The following SRGAP1 variants were observed in gnomAD, a reference collection of about 807,000 sequenced individuals.
The protein encoded by SRGAP1 is SLIT-ROBO Rho GTPase activating protein 1.
In SRGAP1, 43 loss-of-function variants were observed where a neutral mutation model predicts 121.9. The ratio of observed to expected loss-of-function variants is 0.35; its 90% CI spans 0.28 to 0.46. The LOEUF (loss-of-function observed/expected upper bound fraction) is 0.46. SRGAP1 is among the 20% of genes least tolerant of loss of function. SRGAP1 has a pLI of 1.00. For missense variants in SRGAP1, 1,102 were observed against 1,350.9 expected (o/e 0.82, Z 2.89); for synonymous variants, 447 against 485.4 (o/e 0.92, Z 1.04).
chr12:63,873,481 C>T (rs1392542154), intron 1 of SRGAP1, among the ~76,000 whole-genome samples: 1 of 145,176 alleles, frequency 6.9e-6, no homozygotes, highest in African/African-American at 2.6e-5. Flanking sequence ...TGCAGTGAGC[C>T]GAGATTGAGC....
chr12:64,035,164 A>G (rs1296682597), intron 4 of SRGAP1, among the ~76,000 whole-genome samples: 5 of 152,116 alleles, frequency 3.3e-5, no homozygotes, highest in Non-Finnish European at 5.9e-5. Flanking sequence ...GGTGTATGTT[A>G]AGGGCTGGCT....
At chr12:63,907,324 G>T (rs747930715) in intron 1 of SRGAP1, among the ~76,000 whole-genome samples, 17 of 152,052 alleles carry the variant, frequency 1.1e-4, no homozygotes, top group Non-Finnish European at 1.9e-4. Flanking sequence ...ATCACCTGAG[G>T]TCAGGAGTTC....
intron 4 of SRGAP1, among the ~76,000 whole-genome samples, chr12:64,042,202 T>C (rs1209666051): frequency 6.6e-6 from 1 of 152,042 alleles, no homozygotes; most frequent in East Asian, 1.9e-4. Context: ...CGGCCTATTT[T>C]TTTGTTTTGT....
At chr12:63,908,329 T>A (rs1053275581) in intron 1 of SRGAP1, among the ~76,000 whole-genome samples, 1 of 152,246 alleles carries the variant, frequency 6.6e-6, no homozygotes, top group Non-Finnish European at 1.5e-5. Flanking sequence ...TGTTAAGTTG[T>A]CTAATCTATG....
intron 8 of SRGAP1, among the ~76,000 whole-genome samples, chr12:64,072,968 T>TG (rs1160733027): frequency 6.6e-6 from 1 of 152,244 alleles, no homozygotes; most frequent in Non-Finnish European, 1.5e-5. Context: ...TGCATTCTTC[T>TG]GGTTTCTCAC....
rs1565705167 is a variant in SRGAP1 at position 64,152,924 on chromosome 12, A to AC, written c.*10252_*10253insC. 6.6e-6 allele frequency: 1 copy of AC among 151,350 alleles called. No individual in the cohort carries two copies. 9.4% of individuals were successfully genotyped at this position (151,350 alleles called of 1,614,324 possible). A position where few individuals can be genotyped will look rare whatever the true frequency, so the allele number is the denominator to read the frequency against. The stretch of plus-strand genomic sequence containing the variant: ...CCTGGTATGATTTAAAAAAAAAAAA[A>AC]AAAAAAAAAAAACCACTACATAAGC... On this transcript the variant is annotated 3_prime_UTR_variant, in exon 22 of 22. Coordinates refer to ENST00000355086, the MANE Select transcript of SRGAP1 (RefSeq NM_020762.4).
chr12:64,120,300 T>C (rs1024774538), intron 18 of SRGAP1: 7 of 152,192 alleles, frequency 4.6e-5, no homozygotes, highest in Non-Finnish European at 1.0e-4. Context: ...TTAGGCTCAG[T>C]GGAAGGTAGA....
At chr12:64,124,495 G>A (rs1592344192) in intron 18 of SRGAP1, among the ~76,000 whole-genome samples, 2 of 152,344 alleles carry the variant, frequency 1.3e-5, no homozygotes, top group East Asian at 1.9e-4. Context: ...GCATATTCCT[G>A]TAAGTATATG....
chr12:63,885,919 G>A (rs1378809862), intron 1 of SRGAP1, among the ~76,000 whole-genome samples: 2 of 152,092 alleles, frequency 1.3e-5, no homozygotes, highest in African/African-American at 4.8e-5. Flanking sequence ...TAGAATCATC[G>A]GTGGGAAGAA....
intron 15 of SRGAP1, among the ~76,000 whole-genome samples, chr12:64,099,904 A>G (rs971643089): frequency 2.0e-5 from 3 of 152,186 alleles, no homozygotes; most frequent in African/African-American, 7.2e-5. Flanking sequence ...ATATCATTTC[A>G]TAGTGGTTTT....
chr12:63,911,468 G>T (rs1342588828), intron 1 of SRGAP1, among the ~76,000 whole-genome samples: 1 of 152,092 alleles, frequency 6.6e-6, no homozygotes, highest in Admixed American at 6.5e-5. Flanking sequence ...TAGTTGTGGT[G>T]GTGTTTTGTC....
At position 64,147,787 on chromosome 12, in the gene SRGAP1, G is replaced by A; in HGVS notation, c.*5115G>A. 2.5e-6 allele frequency: 1 copy of A among 397,658 alleles called. No individual in the cohort carries two copies. Among genetic ancestry groups the A allele is most frequent in the Non-Finnish European group, 4.4e-6 (1 of 225,950 alleles). The allele number at this position is 397,658 out of a possible 1,614,324, so 24.6% of individuals were successfully genotyped here. A position where few individuals can be genotyped will look rare whatever the true frequency, so the allele number is the denominator to read the frequency against. On this transcript the variant is annotated 3_prime_UTR_variant, in exon 22 of 22. Coordinates refer to ENST00000355086, the MANE Select transcript of SRGAP1 (RefSeq NM_020762.4). ...ATTACAGGCTTCAGTATACAGTCAGGTTTGTTCTTCACGGTGTATCTTTAT... is the reference window on the plus strand; with the variant it reads ...ATTACAGGCTTCAGTATACAGTCAGATTTGTTCTTCACGGTGTATCTTTAT...
At chr12:64,094,888 A>G (rs752043740) in intron 12 of SRGAP1, 44 bp from the exon 13 acceptor site, 2 of 1,565,832 alleles carry the variant, frequency 1.3e-6, no homozygotes, top group Non-Finnish European at 1.8e-6. Flanking sequence ...TGAGGCATTT[A>G]TACCTCTCCC....
chr12:64,108,137 T>C (rs1292478310), intron 15 of SRGAP1, among the ~76,000 whole-genome samples: 1 of 152,216 alleles, frequency 6.6e-6, no homozygotes, highest in African/African-American at 2.4e-5. Context: ...AATGTGTTTT[T>C]AAATATATAG....
intron 1 of SRGAP1, among the ~76,000 whole-genome samples, chr12:63,960,846 T>A (rs1351977322): frequency 2.0e-5 from 3 of 152,114 alleles, no homozygotes; most frequent in African/African-American, 7.2e-5. Flanking sequence ...GTCAGCAGGC[T>A]CTAGAAGCTG....
At chr12:64,068,584 C>T (rs1164278694) in intron 8 of SRGAP1, among the ~76,000 whole-genome samples, 1 of 151,942 alleles carries the variant, frequency 6.6e-6, no homozygotes, top group Admixed American at 6.5e-5. Flanking sequence ...ATCCGCCTGC[C>T]TTGGCCTCCC....
At chr12:63,939,499 A>G (rs1367662198) in intron 1 of SRGAP1, among the ~76,000 whole-genome samples, 1 of 152,206 alleles carries the variant, frequency 6.6e-6, no homozygotes, top group Non-Finnish European at 1.5e-5. Flanking sequence ...ACCCGAAAGA[A>G]AGGAGGAGAA....
Position 64,147,629 on chromosome 12 carries a change from C to T in SRGAP1, c.*4957C>T, listed in dbSNP as rs1350854716. The T allele has an allele frequency of 2.5e-6, 1 of 398,596 alleles. No individual in the cohort carries two copies. Among genetic ancestry groups the T allele is most frequent in the South Asian group, 1.3e-4 (1 of 7,858 alleles). 24.7% of individuals were successfully genotyped at this position (398,596 alleles called of 1,614,324 possible). A position where few individuals can be genotyped will look rare whatever the true frequency, so the allele number is the denominator to read the frequency against. ...GCCCGTGCTCTGTACTGCCTCTCAC[C>T]ATTTCATTCCCTCCTCTCTGAGGTG... On this transcript the variant is annotated 3_prime_UTR_variant, in exon 22 of 22. Coordinates refer to ENST00000355086, the MANE Select transcript of SRGAP1 (RefSeq NM_020762.4).
chr12:63,866,405 C>A (rs973455894), intron 1 of SRGAP1, among the ~76,000 whole-genome samples: 1 of 152,148 alleles, frequency 6.6e-6, no homozygotes, highest in Non-Finnish European at 1.5e-5. Flanking sequence ...GAATATCACT[C>A]GAATCTGCTT....
Sources: allele counts gnomAD v4.1 joint callset (sites outside exome capture counted in the v4.1 genomes callset), GRCh38; gene constraint gnomAD v4.1.1; transcripts MANE v1.5; gene names NCBI Gene and HGNC (gene_info 2026-07-23, HGNC 2026-07-21).